TLN2: variants seen among roughly 807,000 people sequenced by gnomAD.
TLN2 encodes talin-2.
In TLN2, 118 loss-of-function variants were observed where a neutral mutation model predicts 294.7. The observed-to-expected ratio is 0.40, with a 90% CI of 0.34 to 0.47. TLN2 has a LOEUF of 0.47. Ranked by LOEUF, TLN2 falls within the 20% of genes least tolerant of loss-of-function variation. The pLI is 0.84. For missense variants in TLN2, 3,083 were observed against 3,282.2 expected, an observed-to-expected ratio of 0.94 and a Z score of 1.48; for synonymous variants, 1,431 against 1,304.5, an observed-to-expected ratio of 1.10 and a Z score of -2.09.
Position 62,698,884 on chromosome 15 carries a change from G to T in TLN2, c.1587+17G>T. The T allele has an allele frequency of 6.2e-7, 1 of 1,606,094 alleles. No homozygotes were observed. Among genetic ancestry groups the T allele is most frequent in the East Asian group, 2.2e-5 (1 of 44,642 alleles). On this transcript the variant is annotated intron_variant, in intron 16 of 58. Transcript: ENST00000636159. ...CAGGATATGGTAAATACTGTTCAGT[G>T]GTTTTCATGCCAAGTCTCTGCCCTG... is the stretch of plus-strand genomic sequence containing the variant.
chr15:62,709,943 C>T (rs2059317717), intron 21 of TLN2, among the ~76,000 whole-genome samples: 1 of 152,106 alleles, frequency 6.6e-6, no homozygotes, highest in Admixed American at 6.5e-5. Context: ...CCATGTTGGC[C>T]AGGCTGGTCT....
chr15:62,762,479 G>T, intron 39 of TLN2, 26 bp downstream of exon 39: 2 of 1,609,532 alleles, frequency 1.2e-6, no homozygotes, highest in Non-Finnish European at 1.7e-6. Context: ...GGAGGTTGCT[G>T]CCAGCCTGCA....
At chr15:62,685,023 A>G (rs533182514) in intron 11 of TLN2, among the ~76,000 whole-genome samples, 115 of 151,820 alleles carry the variant, frequency 7.6e-4, no homozygotes, top group African/African-American at 2.5e-3. Flanking sequence ...TTCAGCAAAT[A>G]TGAGTTGAAA....
At chr15:62,716,725 T>C (rs78102509) in intron 23 of TLN2, among the ~76,000 whole-genome samples, 1 of 152,186 alleles carries the variant, frequency 6.6e-6, no homozygotes, top group Non-Finnish European at 1.5e-5. Context: ...TTAAAGGATA[T>C]ACACATTCAA....
intron 2 of TLN2, among the ~76,000 whole-genome samples, chr15:62,596,726 G>A (rs1294899507): frequency 3.4e-5 from 5 of 145,832 alleles, no homozygotes; most frequent in African/African-American, 1.3e-4. Flanking sequence ...GGGCAACAGA[G>A]CAAGACTCTG....
At chr15:62,663,350 A>AAAAAAAGAAAGTGGC (rs1567294024) in intron 9 of TLN2, among the ~76,000 whole-genome samples, 4 of 152,122 alleles carry the variant, frequency 2.6e-5, no homozygotes, top group African/African-American at 7.3e-5. Flanking sequence ...ATGATAATTA[A>AAAAAAAGAAAGTGGC]TAGTTTAATA....
intron 9 of TLN2, among the ~76,000 whole-genome samples, chr15:62,662,682 T>C (rs913422013): frequency 1.3e-5 from 2 of 152,116 alleles, no homozygotes; most frequent in Non-Finnish European, 2.9e-5. Flanking sequence ...TCTGCCCTCA[T>C]GGAACTTAAA....
intron 19 of TLN2, among the ~76,000 whole-genome samples, chr15:62,703,520 C>T (rs767398763): frequency 2.0e-5 from 3 of 151,872 alleles, no homozygotes; most frequent in Non-Finnish European, 4.4e-5. Context: ...AGTTCCTGGC[C>T]AGTCTTACTT....
chr15:62,702,724 A>G (rs762201852), intron 18 of TLN2, 42 bp from the exon 19 acceptor site: 3 of 1,574,488 alleles, frequency 1.9e-6, no homozygotes, highest in Admixed American at 3.3e-5. Flanking sequence ...CACTGGAGGA[A>G]ATGCGTTTTC....
At chr15:62,710,183 T>C (rs1049325213) in intron 21 of TLN2, among the ~76,000 whole-genome samples, 2 of 152,242 alleles carry the variant, frequency 1.3e-5, no homozygotes, top group Non-Finnish European at 2.9e-5. Flanking sequence ...ACAAAAATAC[T>C]ACAATAAGCA....
chr15:62,551,653 C>G (rs1024700518), intron 1 of TLN2, among the ~76,000 whole-genome samples: 1 of 152,042 alleles, frequency 6.6e-6, no homozygotes, highest in African/African-American at 2.4e-5. Flanking sequence ...GAGCTGAGAC[C>G]GTGCCATTGC....
chr15:62,685,851 C>G (rs2057242962), intron 11 of TLN2, among the ~76,000 whole-genome samples: 1 of 152,158 alleles, frequency 6.6e-6, no homozygotes. Context: ...CTGCTCTCCT[C>G]CCCCTGGTCT....
At chr15:62,433,827 A>G (rs898578490) in intron 1 of TLN2, among the ~76,000 whole-genome samples, 4 of 148,954 alleles carry the variant, frequency 2.7e-5, no homozygotes, top group Admixed American at 1.4e-4. Context: ...TGCCTCTACT[A>G]AAAATACAAA....
intron 2 of TLN2, among the ~76,000 whole-genome samples, chr15:62,601,476 G>T (rs2047000228): frequency 6.6e-6 from 1 of 152,144 alleles, no homozygotes; most frequent in African/African-American, 2.4e-5. Flanking sequence ...ATCTCTTGGG[G>T]TATGTTTTTT....
chr15:62,722,187 A>G (rs1179935969), intron 25 of TLN2, among the ~76,000 whole-genome samples, 166 bp from the exon 26 acceptor site: 2 of 152,054 alleles, frequency 1.3e-5, no homozygotes, highest in Admixed American at 6.5e-5. Flanking sequence ...GCCCTAGAGT[A>G]TCTGGCTTGA....
chr15:62,708,308 A>G (rs562833280), intron 20 of TLN2, among the ~76,000 whole-genome samples, 194 bp from the exon 21 acceptor site: 2 of 152,326 alleles, frequency 1.3e-5, no homozygotes, highest in East Asian at 3.9e-4. Flanking sequence ...ATGAAGTAGA[A>G]TAGCAGAGCG....
intron 40 of TLN2, among the ~76,000 whole-genome samples, chr15:62,766,008 A>G (rs766617082): frequency 6.6e-6 from 1 of 152,194 alleles, no homozygotes; most frequent in East Asian, 1.9e-4. Context: ...TTGGAAAGCC[A>G]TGACTGTTCC....
chr15:62,798,109 A>G (rs2065646661), intron 48 of TLN2, among the ~76,000 whole-genome samples: 1 of 152,136 alleles, frequency 6.6e-6, no homozygotes, highest in Admixed American at 6.5e-5. Flanking sequence ...TGTTCCGGTA[A>G]CCATCGAGTG....
rs2068067365 is a variant in TLN2 at position 62,825,810 on chromosome 15, ATATTAT to A, written c.7002+5201_7002+5206del. On this transcript the variant is annotated intron_variant, in intron 54 of 58. Coordinates refer to ENST00000636159, the MANE Select transcript of TLN2 (RefSeq NM_015059.3). ...TATATTATAATATATATTATATATT[ATATTAT>A]AATATATATTATAATATATAATATA... 1.2e-3 allele frequency among the ~76,000 whole-genome samples: 4 copies of A among 3,420 alleles called. 2 individuals are homozygous for A. The highest frequency in any genetic ancestry group is 2.0e-3 in the African/African-American group (4 of 2,004). The allele number at this position is 3,420 out of a possible 152,430, so 2.2% of individuals were successfully genotyped here.
Sources: gnomAD v4.1 joint callset for allele counts (sites outside exome capture counted in the v4.1 genomes callset) on GRCh38, gnomAD v4.1.1 for gene constraint, MANE v1.5 for transcripts, NCBI Gene and HGNC (gene_info 2026-07-23, HGNC 2026-07-21) for gene names.